The following ZNF529 variants were observed in gnomAD, a reference collection of about 807,000 sequenced individuals.
ZNF529 encodes zinc finger protein 529.
Under a neutral mutation model 10.1 loss-of-function variants are expected in ZNF529, and 11 were observed. The ratio of observed to expected loss-of-function variants is 1.09; its 90% CI spans 0.69 to 1.81. The LOEUF (loss-of-function observed/expected upper bound fraction) is 1.81, where lower values mean the gene tolerates loss of function less well. Among genes scored for constraint, ZNF529 ranks in the 40% most tolerant of loss-of-function variants. The pLI is 0.00. For synonymous variants in ZNF529, 204 were observed against 215.7 expected (o/e 0.95, Z 0.47); for missense variants, 624 against 666.8 (o/e 0.94, Z 0.71).
At chr19:36,590,319 G>A (rs1393291571) in intron 1 of ZNF529, among the ~76,000 whole-genome samples, 2 of 152,080 alleles carry the variant, frequency 1.3e-5, no homozygotes, top group Non-Finnish European at 2.9e-5. Context: ...AGGTTGCAGT[G>A]AGCCATGATC....
intron 1 of ZNF529, among the ~76,000 whole-genome samples, chr19:36,598,262 C>T (rs1382942591): frequency 2.6e-5 from 4 of 152,096 alleles, no homozygotes; most frequent in Admixed American, 6.6e-5. Context: ...GTAATCCCAG[C>T]GCTTTGGGAG....
intron 1 of ZNF529, among the ~76,000 whole-genome samples, chr19:36,599,433 GTC>G (rs1262963651): frequency 2.0e-5 from 3 of 152,146 alleles, no homozygotes; most frequent in Non-Finnish European, 2.9e-5. Flanking sequence ...ACACATGGAA[GTC>G]TAACAAAAGC....
chr19:36,598,944 C>T (rs1000367485), intron 1 of ZNF529, among the ~76,000 whole-genome samples: 1 of 152,126 alleles, frequency 6.6e-6, no homozygotes, highest in Non-Finnish European at 1.5e-5. Flanking sequence ...TGTAATTAGT[C>T]TTCACTAACA....
chr19:36,593,569 TC>T (rs1326863557), intron 1 of ZNF529, among the ~76,000 whole-genome samples: 6 of 151,630 alleles, frequency 4.0e-5, no homozygotes, highest in African/African-American at 1.5e-4. Flanking sequence ...ATTTTACTGT[TC>T]CGAAAAAAAA....
upstream of ZNF529, chr19:36,574,720 G>T: frequency 2.3e-6 from 1 of 437,614 alleles, no homozygotes; most frequent in South Asian, 1.7e-5. Flanking sequence ...GAGATTTCAT[G>T]TGTAGTTCAT....
At chr19:36,572,756 T>C (rs1327452798) in intron 1 of ZNF529, among the ~76,000 whole-genome samples, 2 of 152,016 alleles carry the variant, frequency 1.3e-5, no homozygotes, top group Non-Finnish European at 2.9e-5. Context: ...TATCTATCAT[T>C]TATCTATCTT....
At chr19:36,567,450 T>C (rs2035940787) in intron 2 of ZNF529, among the ~76,000 whole-genome samples, 1 of 152,006 alleles carries the variant, frequency 6.6e-6, no homozygotes, top group Non-Finnish European at 1.5e-5. Context: ...TGGATTCTTT[T>C]TTTTTTGAGA....
chr19:36,602,376 A>G (rs1461542948), intron 1 of ZNF529, among the ~76,000 whole-genome samples: 1 of 152,150 alleles, frequency 6.6e-6, no homozygotes, highest in Non-Finnish European at 1.5e-5. Context: ...GCCAAAATCC[A>G]AAACTTTATT....
In ZNF529 at chr19:36,584,740, C is replaced by T. The variant is rs894726253; in HGVS notation, c.-41+4875G>A. 4.0e-5 allele frequency among the ~76,000 whole-genome samples: 6 copies of T among 149,970 alleles called. 1 individual carries two copies. Among genetic ancestry groups the T allele is most frequent in the Non-Finnish European group, 8.9e-5 (6 of 67,716 alleles). On this transcript the variant is annotated intron_variant, in intron 2 of 4. Coordinates refer to the ZNF529 transcript ENST00000585960. ...CGAGATTGCCCCACTGCACTCCACC[C>T]TGGGTAACAGAGGGAGACTCTGTCT... is the stretch of plus-strand genomic sequence containing the variant.
At chr19:36,575,726 A>T (rs1424119669), upstream of ZNF529, among the ~76,000 whole-genome samples, 1 of 152,168 alleles carries the variant, frequency 6.6e-6, no homozygotes, top group African/African-American at 2.4e-5. Flanking sequence ...GGTATTACTA[A>T]ATAGGTACTA....
chr19:36,590,299 C>T (rs894082461), intron 1 of ZNF529, among the ~76,000 whole-genome samples: 2 of 152,072 alleles, frequency 1.3e-5, no homozygotes, highest in South Asian at 2.1e-4. Flanking sequence ...CGCTTGAGCC[C>T]GGGAAGTCGA....
intron 1 of ZNF529, among the ~76,000 whole-genome samples, chr19:36,595,353 C>G (rs1190569182): frequency 1.3e-5 from 2 of 152,146 alleles, no homozygotes; most frequent in African/African-American, 2.4e-5. Flanking sequence ...CCTCATGCAG[C>G]TCTATAATTT....
At chr19:36,584,610 TAC>T (rs1207453724) in intron 2 of ZNF529, among the ~76,000 whole-genome samples, 1 of 151,770 alleles carries the variant, frequency 6.6e-6, no homozygotes, top group Admixed American at 6.6e-5. Flanking sequence ...TCACTAAAAA[TAC>T]AAAAATCAGC....
At chr19:36,579,999 A>G (rs1392306399) in intron 2 of ZNF529, among the ~76,000 whole-genome samples, 2 of 152,162 alleles carry the variant, frequency 1.3e-5, no homozygotes, top group Non-Finnish European at 2.9e-5. Context: ...TCCTTATTCT[A>G]TAGGCTTTTT....
At chr19:36,554,927 GAAGT>G (rs2035408374) in intron 3 of ZNF529, 131 bp from the exon 4 acceptor site, 1 of 711,250 alleles carries the variant, frequency 1.4e-6, no homozygotes, top group Non-Finnish European at 2.0e-6. Flanking sequence ...TGTGACATGG[GAAGT>G]AAGGAAATTA....
At chr19:36,596,718 C>A (rs2036848315) in intron 1 of ZNF529, among the ~76,000 whole-genome samples, 1 of 151,696 alleles carries the variant, frequency 6.6e-6, no homozygotes, top group Non-Finnish European at 1.5e-5. Context: ...GGGGTTTTCA[C>A]CATGTTGGCC....
rs145287642 is a variant in ZNF529, at chr19:36,549,805, T to C, written c.236-1483A>G. On this transcript the variant is annotated intron_variant, in intron 4 of 4. Transcript: ENST00000591340. ...TTTTTCTTTTATCTTCTTTTACAGA[T>C]ATTCCTTTCCATTTTCTTATAGCAA... Among the ~76,000 whole-genome samples the C allele has an allele frequency of 7.2e-5, 11 of 152,368 alleles. No homozygotes were observed. In the East Asian group the frequency reaches 2.1e-3, roughly 29 times the overall value.
intron 4 of ZNF529, among the ~76,000 whole-genome samples, chr19:36,553,835 G>T (rs2035355274): frequency 6.6e-6 from 1 of 152,192 alleles, no homozygotes; most frequent in African/African-American, 2.4e-5. Flanking sequence ...CTGACATGAT[G>T]CTACAAGTGA....
intron 1 of ZNF529, among the ~76,000 whole-genome samples, chr19:36,599,794 G>A (rs1391833945): frequency 6.6e-6 from 1 of 151,792 alleles, no homozygotes; most frequent in Non-Finnish European, 1.5e-5. Flanking sequence ...CAAACAGGCT[G>A]GCAAAATGAC....
Sources: allele counts gnomAD v4.1 joint callset (sites outside exome capture counted in the v4.1 genomes callset), GRCh38; gene constraint gnomAD v4.1.1; transcripts MANE v1.5; gene names NCBI Gene and HGNC (gene_info 2026-07-23, HGNC 2026-07-21).